PRKCA: variants seen among roughly 807,000 people sequenced by gnomAD.
The protein encoded by PRKCA is protein kinase C alpha.
Under a neutral mutation model 87.0 loss-of-function variants are expected in PRKCA, and 27 were observed. The observed-to-expected ratio is 0.31, with a 90% CI of 0.23 to 0.43. PRKCA has a LOEUF of 0.43. Among genes scored for constraint, PRKCA ranks in the 20% least tolerant of loss-of-function variants. PRKCA has a pLI of 1.00. For synonymous variants in PRKCA, 329 were observed against 311.1 expected, an observed-to-expected ratio of 1.06 and a Z score of -0.61; for missense variants, 518 against 852.3, an observed-to-expected ratio of 0.61 and a Z score of 4.88.
intron 3 of PRKCA, among the ~76,000 whole-genome samples, chr17:66,511,685 T>C (rs1236860429): frequency 6.9e-6 from 1 of 143,954 alleles, no homozygotes; most frequent in Admixed American, 6.8e-5. Context: ...ATAGTGAACT[T>C]TTTTTTTTTT....
chr17:66,406,800 T>G (rs1277760272), intron 2 of PRKCA, among the ~76,000 whole-genome samples: 1 of 152,064 alleles, frequency 6.6e-6, no homozygotes, highest in Non-Finnish European at 1.5e-5. Flanking sequence ...TGCCATGCCC[T>G]GCACTGTCTG....
chr17:66,683,633 T>A (rs1042000399), intron 5 of PRKCA, among the ~76,000 whole-genome samples: 5 of 152,130 alleles, frequency 3.3e-5, no homozygotes, highest in African/African-American at 1.2e-4. Flanking sequence ...AGAGTCTCAC[T>A]GTGTCACCCA....
chr17:66,622,872 AT>A (rs1423267980), intron 3 of PRKCA, among the ~76,000 whole-genome samples: 80 of 152,336 alleles, frequency 5.3e-4, no homozygotes, highest in African/African-American at 1.9e-3. Flanking sequence ...CGCCCCCATG[AT>A]TCAATCATCT....
At chr17:66,580,495 A>G (rs1193985452) in intron 3 of PRKCA, among the ~76,000 whole-genome samples, 1 of 152,180 alleles carries the variant, frequency 6.6e-6, no homozygotes, top group African/African-American at 2.4e-5. Flanking sequence ...CCCACATGAG[A>G]CACTGAGCCA....
intron 2 of PRKCA, among the ~76,000 whole-genome samples, chr17:66,352,722 C>A (rs1042568252): frequency 2.6e-5 from 4 of 151,734 alleles, no homozygotes; most frequent in Non-Finnish European, 5.9e-5. Flanking sequence ...TGCCACCACA[C>A]TCAGCTAATT....
intron 2 of PRKCA, among the ~76,000 whole-genome samples, chr17:66,359,767 A>C (rs1908272934): frequency 6.6e-6 from 1 of 152,254 alleles, no homozygotes; most frequent in Non-Finnish European, 1.5e-5. Context: ...GCTTCTCTCA[A>C]GTATGTCGGG....
chr17:66,658,409 C>A (rs1232979908), intron 5 of PRKCA, among the ~76,000 whole-genome samples: 1 of 152,130 alleles, frequency 6.6e-6, no homozygotes, highest in African/African-American at 2.4e-5. Flanking sequence ...ATTGCTTGAA[C>A]CCAGGAGGCA....
chr17:66,315,145 C>T (rs1428491392), intron 2 of PRKCA, among the ~76,000 whole-genome samples: 2 of 152,172 alleles, frequency 1.3e-5, no homozygotes, highest in East Asian at 3.9e-4. Flanking sequence ...TAGCCAGCAC[C>T]CATATAGCAC....
chr17:66,717,988 A>T (rs1973519483), intron 8 of PRKCA, among the ~76,000 whole-genome samples: 1 of 152,154 alleles, frequency 6.6e-6, no homozygotes, highest in Non-Finnish European at 1.5e-5. Flanking sequence ...GCACTTACAG[A>T]TCGGATTGTG....
At chr17:66,658,499 AC>A (rs1971799474) in intron 5 of PRKCA, among the ~76,000 whole-genome samples, 2 of 51,476 alleles carry the variant, frequency 3.9e-5, no homozygotes, top group African/African-American at 1.3e-4. Context: ...AAAAACAACA[AC>A]AACAACAACA....
intron 9 of PRKCA, among the ~76,000 whole-genome samples, chr17:66,734,999 C>A (rs1031139451): frequency 4.6e-5 from 7 of 152,178 alleles, no homozygotes; most frequent in Non-Finnish European, 1.0e-4. Context: ...TTGTAGTAAG[C>A]AAATACAATC....
chr17:66,630,625 T>G (rs1245644488), intron 3 of PRKCA, among the ~76,000 whole-genome samples: 2 of 152,218 alleles, frequency 1.3e-5, no homozygotes, highest in Non-Finnish European at 2.9e-5. Context: ...AGACAGGTGC[T>G]CCTTCTCTGA....
chr17:66,441,630 T>A (rs1462906729), intron 2 of PRKCA, among the ~76,000 whole-genome samples: 1 of 152,188 alleles, frequency 6.6e-6, no homozygotes, highest in Non-Finnish European at 1.5e-5. Context: ...GCACCTCCTC[T>A]GAGTGGAAGT....
chr17:66,788,560 G>T (rs1975456568), intron 15 of PRKCA, among the ~76,000 whole-genome samples: 1 of 152,132 alleles, frequency 6.6e-6, no homozygotes, highest in African/African-American at 2.4e-5. Context: ...CAACGTGTGA[G>T]ATGTCTGTTT....
chr17:66,747,102 C>T (rs903490163), intron 13 of PRKCA, among the ~76,000 whole-genome samples: 7 of 152,228 alleles, frequency 4.6e-5, no homozygotes, highest in Middle Eastern at 3.4e-3. Flanking sequence ...GACAGAGTTT[C>T]GCTCTGTCGT....
intron 2 of PRKCA, among the ~76,000 whole-genome samples, chr17:66,435,048 T>G (rs1913300427): frequency 6.6e-6 from 1 of 152,224 alleles, no homozygotes; most frequent in Non-Finnish European, 1.5e-5. Flanking sequence ...CTTTGCTGTT[T>G]GTATTCTTGG....
intron 8 of PRKCA, among the ~76,000 whole-genome samples, chr17:66,730,314 G>A (rs904809643): frequency 6.6e-6 from 1 of 152,188 alleles, no homozygotes; most frequent in Admixed American, 6.5e-5. Flanking sequence ...GGCTTTGGGC[G>A]GGAGGGAATT....
In PRKCA at chr17:66,792,331, G is replaced by C. The variant is rs1975560788; in HGVS notation, c.1854+3352G>C. On this transcript the variant is annotated intron_variant, in intron 16 of 16. Coordinates refer to ENST00000413366, the MANE Select transcript of PRKCA (RefSeq NM_002737.3). This position sits in a 1 kb window ranked among gnomAD's most constrained non-coding sequence, Gnocchi z 4.5. Reference sequence around the variant, plus strand: ...GCAAACTGCTTCTACAGATCAGATTGAGCTTGTAGGATCAGGAGTCTATCA... The same window carrying C: ...GCAAACTGCTTCTACAGATCAGATTCAGCTTGTAGGATCAGGAGTCTATCA... Among the ~76,000 whole-genome samples, 1 of 152,180 alleles carries C rather than the reference G, an allele frequency of 6.6e-6. No homozygotes were observed. Among genetic ancestry groups the C allele is most frequent in the Non-Finnish European group, 1.5e-5 (1 of 68,016 alleles).
At chr17:66,396,138 A>T (rs1424043677) in intron 2 of PRKCA, among the ~76,000 whole-genome samples, 3 of 151,532 alleles carry the variant, frequency 2.0e-5, no homozygotes, top group Non-Finnish European at 4.4e-5. Flanking sequence ...TCTCTCACCT[A>T]CTCAGTCTTT....
Sources: allele counts gnomAD v4.1 joint callset (sites outside exome capture counted in the v4.1 genomes callset), GRCh38; gene constraint gnomAD v4.1.1; non-coding constraint Gnocchi (gnomAD v3.1); transcripts MANE v1.5; gene names NCBI Gene and HGNC (gene_info 2026-07-23, HGNC 2026-07-21).